PCDH15: variants seen among roughly 807,000 people sequenced by gnomAD.
The protein encoded by PCDH15 is protocadherin-15.
Under a neutral mutation model 178.5 loss-of-function variants are expected in PCDH15, and 129 were observed. That is an observed-to-expected ratio of 0.72 (90% CI 0.63 to 0.84). The LOEUF (loss-of-function observed/expected upper bound fraction) is 0.84. Among genes scored for constraint, PCDH15 ranks in the 40% least tolerant of loss-of-function variants. PCDH15 has a pLI of 0.00. For synonymous variants in PCDH15, 800 were observed against 732.0 expected (o/e 1.09, Z -1.50); for missense variants, 2,230 against 2,099.9 (o/e 1.06, Z -1.21).
chr10:54,710,973 A>G (rs1449980324), intron 1 of PCDH15, among the ~76,000 whole-genome samples: 1 of 152,020 alleles, frequency 6.6e-6, no homozygotes, highest in African/African-American at 2.4e-5. Flanking sequence ...TGCTTTGGGA[A>G]AACCAGTATA....
At chr10:54,036,507 T>C (rs2093420069) in intron 18 of PCDH15, among the ~76,000 whole-genome samples, 1 of 151,884 alleles carries the variant, frequency 6.6e-6, no homozygotes. Context: ...AGCATATATT[T>C]ATGGAAGCAT....
intron 2 of PCDH15, among the ~76,000 whole-genome samples, chr10:54,603,682 T>A (rs901451933): frequency 6.6e-6 from 1 of 151,904 alleles, no homozygotes; most frequent in Non-Finnish European, 1.5e-5. Flanking sequence ...TTAACAGTAG[T>A]AGAGTAAAAA....
intron 2 of PCDH15, among the ~76,000 whole-genome samples, chr10:54,553,888 C>T (rs779094489): frequency 1.3e-4 from 20 of 152,158 alleles, no homozygotes; most frequent in Non-Finnish European, 1.6e-4. Flanking sequence ...GCTAGATTCT[C>T]ATGGCTTTGA....
intron 8 of PCDH15, among the ~76,000 whole-genome samples, chr10:54,307,040 GTATATA>G (rs1158139613): frequency 4.1e-4 from 12 of 29,324 alleles, no homozygotes; most frequent in South Asian, 3.2e-3. Context: ...GTGTGTGTGT[GTATATA>G]TATATATATA....
chr10:55,049,466 C>T (rs543635278), intron 2 of PCDH15, among the ~76,000 whole-genome samples: 1 of 151,052 alleles, frequency 6.6e-6, no homozygotes, highest in Non-Finnish European at 1.5e-5. Context: ...ATTATGGGGG[C>T]TGCATTCATG....
intron 2 of PCDH15, among the ~76,000 whole-genome samples, chr10:55,416,317 A>G (rs1273451305): frequency 3.3e-5 from 5 of 151,794 alleles, no homozygotes; most frequent in Non-Finnish European, 4.4e-5. Context: ...GTTAGCCTCA[A>G]TTCAGATGAA....
chr10:54,633,325 T>C (rs574012474), intron 2 of PCDH15, among the ~76,000 whole-genome samples: 111 of 152,240 alleles, frequency 7.3e-4, no homozygotes, highest in Non-Finnish European at 1.3e-3. Flanking sequence ...TGTTGGGTTG[T>C]AGGCAGAGCT....
At chr10:55,610,585 A>T (rs1462939630) in intron 2 of PCDH15, among the ~76,000 whole-genome samples, 6 of 152,080 alleles carry the variant, frequency 3.9e-5, no homozygotes, top group Non-Finnish European at 8.8e-5. Context: ...GCTATTTGAA[A>T]TCTTAAAGCT....
rs73257710 is a variant in PCDH15 at position 55,402,018 on chromosome 10, G to T, written c.-156+225607C>A. 6.6e-3 allele frequency among the ~76,000 whole-genome samples: 1,010 copies of T among 152,102 alleles called. 15 individuals are homozygous for T. The highest frequency in any genetic ancestry group is 0.023 in the African/African-American group (960 of 41,540). On this transcript the variant is annotated intron_variant, in intron 2 of 5. Transcript: ENST00000613346. ...GAATCCAACTTTGCAAAAAGATGAA[G>T]CAAAGAATGTTCTCTCTAATTGCAA... is the stretch of plus-strand genomic sequence containing the variant.
At chr10:53,970,860 A>G (rs569048383) in intron 21 of PCDH15, among the ~76,000 whole-genome samples, 1 of 152,332 alleles carries the variant, frequency 6.6e-6, no homozygotes, top group East Asian at 1.9e-4. Context: ...TACCAGAGGT[A>G]CAAAGTGGAT....
chr10:55,064,742 C>T (rs1841520789), intron 2 of PCDH15, among the ~76,000 whole-genome samples: 1 of 152,042 alleles, frequency 6.6e-6, no homozygotes, highest in African/African-American at 2.4e-5. Context: ...TTCTAATTCT[C>T]TTCATCAGTA....
chr10:53,842,465 T>G (rs1486602960), intron 28 of PCDH15, among the ~76,000 whole-genome samples: 1 of 152,148 alleles, frequency 6.6e-6, no homozygotes, highest in Non-Finnish European at 1.5e-5. Flanking sequence ...CAGGCTGGTC[T>G]CAAATTCCTG....
chr10:55,192,651 G>T (rs1839973733), intron 1 of PCDH15, among the ~76,000 whole-genome samples: 1 of 151,224 alleles, frequency 6.6e-6, no homozygotes, highest in African/African-American at 2.4e-5. Flanking sequence ...TTAAGCTATT[G>T]CTTATTTCAC....
intron 2 of PCDH15, among the ~76,000 whole-genome samples, chr10:55,397,130 T>C (rs1257862834): frequency 6.6e-6 from 1 of 152,192 alleles, no homozygotes; most frequent in Non-Finnish European, 1.5e-5. Context: ...CTAGATGTAA[T>C]AGCTACAATA....
At chr10:55,543,441 T>C (rs1388324950) in intron 2 of PCDH15, among the ~76,000 whole-genome samples, 1 of 150,738 alleles carries the variant, frequency 6.6e-6, no homozygotes, top group Non-Finnish European at 1.5e-5. Flanking sequence ...TATATAATAG[T>C]TGTTCATAGA....
chr10:54,580,056 T>A (rs967758373), intron 2 of PCDH15, among the ~76,000 whole-genome samples: 10 of 151,780 alleles, frequency 6.6e-5, no homozygotes, highest in Admixed American at 3.3e-4. Flanking sequence ...ATTACACCTA[T>A]GGGAACCGGA....
intron 20 of PCDH15, among the ~76,000 whole-genome samples, chr10:54,014,885 C>G (rs2092694991): frequency 6.6e-6 from 1 of 151,824 alleles, no homozygotes; most frequent in Admixed American, 6.6e-5. Flanking sequence ...TGCCACTCAT[C>G]ATAGTAATGG....
intron 3 of PCDH15, among the ~76,000 whole-genome samples, chr10:54,824,244 T>G (rs762827331): frequency 6.6e-6 from 1 of 152,142 alleles, no homozygotes; most frequent in Non-Finnish European, 1.5e-5. Context: ...AATAAATACA[T>G]GTATTGAAGC....
At chr10:54,581,629 C>T (rs1297140080) in intron 2 of PCDH15, among the ~76,000 whole-genome samples, 6 of 151,626 alleles carry the variant, frequency 4.0e-5, no homozygotes, top group Admixed American at 6.6e-5. Flanking sequence ...GGAAGGTAAA[C>T]AAAAAGAAAA....
Sources: allele counts gnomAD v4.1 joint callset (sites outside exome capture counted in the v4.1 genomes callset), GRCh38; gene constraint gnomAD v4.1.1; transcripts MANE v1.5; gene names NCBI Gene and HGNC (gene_info 2026-07-23, HGNC 2026-07-21).